The following AP5S1 variants were observed in gnomAD, a reference collection of about 807,000 sequenced individuals.
AP5S1 encodes AP-5 complex subunit sigma-1.
Under a neutral mutation model 13.9 loss-of-function variants are expected in AP5S1, and 13 were observed. That is an observed-to-expected ratio of 0.94 (90% CI 0.61 to 1.49). The LOEUF is 1.49. Among genes scored for constraint, AP5S1 ranks in the 40% most tolerant of loss-of-function variants. The pLI is 0.00. For missense variants in AP5S1, 292 were observed against 272.3 expected, an observed-to-expected ratio of 1.07 and a Z score of -0.51; for synonymous variants, 132 against 121.8, an observed-to-expected ratio of 1.08 and a Z score of -0.55.
rs747306498 is a variant in AP5S1 at position 3,823,858 on chromosome 20, C to T, written c.177-13C>T. The T allele has an allele frequency of 1.1e-5, 18 of 1,590,508 alleles. No individual in the cohort carries two copies. Among genetic ancestry groups the T allele is most frequent in the African/African-American group, 2.7e-5 (2 of 74,812 alleles). On this transcript the variant is annotated splice_polypyrimidine_tract_variant and intron_variant, in intron 2 of 2. Coordinates refer to ENST00000615891, the MANE Select transcript of AP5S1 (RefSeq NM_018347.3). ...GTGTGAGCCCACCAGCCTGACCTGC[C>T]CACTCTCCCCAGGCAGGTAGAGTCA... is the stretch of plus-strand genomic sequence containing the variant.
In AP5S1 at chr20:3,827,763, C is replaced by CT. The variant is rs570370452; in HGVS notation, c.*3482dup. The CT allele has an allele frequency of 0.044, 6,071 of 136,720 alleles. 203 individuals carry two copies. The highest frequency in any genetic ancestry group is 0.089 in the South Asian group (381 of 4,266). The allele number at this position is 136,720 out of a possible 1,614,324, so 8.5% of individuals were successfully genotyped here. ...GGGCTCAATGTTTTCTTTTCTTTTT[C>CT]TTTTTTTTTTTTTTTTGAGATGGAG... On this transcript the variant is annotated 3_prime_UTR_variant, in exon 3 of 3. Transcript: ENST00000615891.
Position 3,823,938 on chromosome 20 carries a change from C to G in AP5S1, c.244C>G (p.Gln82Glu), listed in dbSNP as rs543869928. 55 of 1,606,780 alleles carry G rather than the reference C, an allele frequency of 3.4e-5. No homozygotes were observed. The South Asian group carries it at 5.8e-4, about 17-fold the overall frequency. ...CCGGCCCCCCATGGACCTGCAGCCG[C>G]AATCCTCAGATGAGCAAGTGCCGCT... Reference protein sequence around the residue: ...SGRPPMDLQPQSSDEQVPLHE... With the variant: ...SGRPPMDLQPESSDEQVPLHE... The change falls in exon 3 of 3, where the codon CAA (glutamine) becomes GAA (glutamate). Residue 82 changes from glutamine (Q) to glutamate (E), a missense_variant. By Grantham distance (29) the Gln-to-Glu change is conservative. Coordinates refer to ENST00000615891, the MANE Select transcript of AP5S1 (RefSeq NM_018347.3).
At chr20:3,821,779 C>A in intron 1 of AP5S1, 1 of 403,112 alleles carries the variant, frequency 2.5e-6, no homozygotes, top group Non-Finnish European at 3.4e-6. Flanking sequence ...TTTCCATGAC[C>A]GCATGACCTT....
In AP5S1 at chr20:3,825,880, A is replaced by G. The variant is rs2089621550; in HGVS notation, c.*1583A>G. 1 of 146,628 alleles carries G rather than the reference A, an allele frequency of 6.8e-6. No individual in the cohort carries two copies. Among genetic ancestry groups the G allele is most frequent in the South Asian group, 2.1e-4 (1 of 4,688 alleles). The allele number at this position is 146,628 out of a possible 1,614,324, so 9.1% of individuals were successfully genotyped here. A position where few individuals can be genotyped will look rare whatever the true frequency, so the allele number is the denominator to read the frequency against. On this transcript the variant is annotated 3_prime_UTR_variant, in exon 3 of 3. Transcript: ENST00000615891. ...CTGCCTGCACCATGTTGAGTCCCAA[A>G]GGGATATGGGTGGGGTACCAAAAGT...
At position 3,822,183 on chromosome 20, in the gene AP5S1, A is replaced by T. The variant is rs2089588247; in HGVS notation, c.66A>T (p.Arg22=). 6.2e-7 allele frequency: 1 copy of T among 1,613,936 alleles called. No homozygotes were observed. The highest frequency in any genetic ancestry group is 1.3e-5 in the African/African-American group (1 of 74,890). Residue 22 remains arginine (R), a synonymous_variant, in exon 2 of 3, where the codon CGA becomes CGT. Transcript: ENST00000615891. ...APNTEDTGLC[R]VLYSCVFGAE... ...ATACTGAGGACACGGGCCTTTGCCG[A>T]GTGCTGTACTCCTGCGTCTTCGGTG...
In AP5S1 at chr20:3,820,554, C is replaced by T. The variant is rs1029543677; in HGVS notation, c.-221C>T. ...CAGGCGCCCACGGGCCGCGCAGCCG[C>T]CATTGCTCTCCTGCCACGGAGGGGA... On this transcript the variant is annotated 5_prime_UTR_variant, in exon 1 of 3. Coordinates refer to ENST00000615891, the MANE Select transcript of AP5S1 (RefSeq NM_018347.3). 1 of 152,198 alleles carries T rather than the reference C, an allele frequency of 6.6e-6. No individual in the cohort carries two copies. The highest frequency in any genetic ancestry group is 1.5e-5 in the Non-Finnish European group (1 of 68,036). 9.4% of individuals were successfully genotyped at this position (152,198 alleles called of 1,614,324 possible).
In AP5S1 at chr20:3,824,297, A is replaced by AT. The variant is rs777783822; in HGVS notation, c.*2dup. ...AATTCAGTGCCGCTTGGCCCCGCTG[A>AT]TTCCTCGTTGGGATGGTGCTTCTGA... On this transcript the variant is annotated 3_prime_UTR_variant, in exon 3 of 3. Coordinates refer to ENST00000615891, the MANE Select transcript of AP5S1 (RefSeq NM_018347.3). 12 of 1,609,072 alleles carry AT rather than the reference A, an allele frequency of 7.5e-6. No individual in the cohort carries two copies. The South Asian group carries it at 8.8e-5, about 12-fold the overall frequency.
At chr20:3,823,375 A>T (rs557342809) in intron 2 of AP5S1, among the ~76,000 whole-genome samples, 1 of 152,092 alleles carries the variant, frequency 6.6e-6, no homozygotes, top group Non-Finnish European at 1.5e-5. Context: ...CAGCCTCCCG[A>T]GTAGCTGGGA....
In AP5S1 at chr20:3,824,668, C is replaced by T. The variant is rs571075568; in HGVS notation, c.*371C>T. The T allele has an allele frequency of 1.7e-3, 415 of 247,168 alleles. 1 individual carries two copies. The highest frequency in any genetic ancestry group is 2.4e-3 in the Non-Finnish European group (310 of 126,538). The allele number at this position is 247,168 out of a possible 1,614,324, so 15.3% of individuals were successfully genotyped here. A position where few individuals can be genotyped will look rare whatever the true frequency, so the allele number is the denominator to read the frequency against. On this transcript the variant is annotated 3_prime_UTR_variant, in exon 3 of 3. Coordinates refer to ENST00000615891, the MANE Select transcript of AP5S1 (RefSeq NM_018347.3). ...ACAGTCAAGGCCAGGCGCGGTGGCT[C>T]ACGCCTGTAATCCCAGCACTTTGCG...
chr20:3,821,004 G>C (rs532445913), intron 1 of AP5S1: 1 of 152,432 alleles, frequency 6.6e-6, no homozygotes, highest in East Asian at 1.9e-4. Flanking sequence ...CGGCCACTGA[G>C]CCAGCCAGAT....
rs2089602497 is a variant in AP5S1 at position 3,823,864 on chromosome 20, TC to T, written c.177-3del. On this transcript the variant is annotated splice_polypyrimidine_tract_variant and splice_region_variant and intron_variant, in intron 2 of 2. Transcript: ENST00000615891. The stretch of plus-strand genomic sequence containing the variant: ...GCCCACCAGCCTGACCTGCCCACTC[TC>T]CCCAGGCAGGTAGAGTCAATGTGTC... 6.3e-7 allele frequency: 1 copy of T among 1,592,708 alleles called. No homozygotes were observed.
chr20:3,822,201 CT>C lies in AP5S1; in HGVS notation c.86del (p.Phe29SerfsTer27). 6.2e-7 allele frequency: 1 copy of C among 1,614,198 alleles called. No individual in the cohort carries two copies. The highest frequency in any genetic ancestry group is 8.5e-7 in the Non-Finnish European group (1 of 1,180,038). Reference protein sequence around the residue: ...GLCRVLYSCVFGAEKSPDDPR... With the variant: ...GLCRVLYSCVXGAEKSPDDPR... The stretch of plus-strand genomic sequence containing the variant: ...TTTGCCGAGTGCTGTACTCCTGCGT[CT>C]TCGGTGCTGAGAAGTCACCTGATGA... On this transcript the variant is annotated frameshift_variant, in exon 2 of 3. Transcript: ENST00000615891. LOFTEE classifies it high-confidence loss of function.
In AP5S1 at chr20:3,823,918, C is replaced by G. The variant is rs1211980868; in HGVS notation, c.224C>G (p.Pro75Arg). The change falls in exon 3 of 3, where the codon CCC becomes CGC. Residue 75 changes from proline (P) to arginine (R), a missense_variant. Physicochemically the swap from Pro to Arg is moderately radical, Grantham distance 103. Coordinates refer to ENST00000615891, the MANE Select transcript of AP5S1 (RefSeq NM_018347.3). The stretch of plus-strand genomic sequence containing the variant: ...CTGCAGCAGCAGGCATCTGGCCGGC[C>G]CCCCATGGACCTGCAGCCGCAATCC... ...CRLQQQASGR[P>R]PMDLQPQSSD... The G allele has an allele frequency of 6.2e-7, 1 of 1,604,156 alleles. No individual in the cohort carries two copies. Among genetic ancestry groups the G allele is most frequent in the African/African-American group, 1.3e-5 (1 of 75,048 alleles).
At chr20:3,823,228 G>C (rs1169368138) in intron 2 of AP5S1, among the ~76,000 whole-genome samples, 1 of 152,102 alleles carries the variant, frequency 6.6e-6, no homozygotes, top group African/African-American at 2.4e-5. Flanking sequence ...CACGTTGGGT[G>C]ATGGCGTTTA....
rs2089632192 is a variant in AP5S1 at position 3,827,628 on chromosome 20, T to C, written c.*3331T>C. ...TATGTGGGTCACTGATTGGGTCACA[T>C]ACACTGCATGTATGTGAGCCCTGGG... is the stretch of plus-strand genomic sequence containing the variant. On this transcript the variant is annotated 3_prime_UTR_variant, in exon 3 of 3. Coordinates refer to ENST00000615891, the MANE Select transcript of AP5S1 (RefSeq NM_018347.3). The C allele has an allele frequency of 6.6e-6, 1 of 152,236 alleles. No homozygotes were observed. Among genetic ancestry groups the C allele is most frequent in the Non-Finnish European group, 1.5e-5 (1 of 68,072 alleles). 9.4% of individuals were successfully genotyped at this position (152,236 alleles called of 1,614,324 possible). A position where few individuals can be genotyped will look rare whatever the true frequency, so the allele number is the denominator to read the frequency against.
chr20:3,822,184 G>T lies in AP5S1; in HGVS notation c.67G>T (p.Val23Leu), dbSNP rs2089588276. 1 of 1,614,058 alleles carries T rather than the reference G, an allele frequency of 6.2e-7. No individual in the cohort carries two copies. Among genetic ancestry groups the T allele is most frequent in the African/African-American group, 1.3e-5 (1 of 74,934 alleles). Residue 23 changes from valine (V) to leucine (L), a missense_variant, in exon 2 of 3, where the codon GTG becomes TTG. Physicochemically the swap from Val to Leu is conservative, Grantham distance 32 (BLOSUM62 1). Coordinates refer to ENST00000615891, the MANE Select transcript of AP5S1 (RefSeq NM_018347.3). ...PNTEDTGLCR[V>L]LYSCVFGAEK... Reference sequence around the variant, plus strand: ...TACTGAGGACACGGGCCTTTGCCGAGTGCTGTACTCCTGCGTCTTCGGTGC... The same window carrying T: ...TACTGAGGACACGGGCCTTTGCCGATTGCTGTACTCCTGCGTCTTCGGTGC...
rs1260223318 is a variant in AP5S1 at position 3,824,958 on chromosome 20, A to G, written c.*661A>G. 1 of 148,298 alleles carries G rather than the reference A, an allele frequency of 6.7e-6. No homozygotes were observed. The highest frequency in any genetic ancestry group is 2.0e-4 in the East Asian group (1 of 5,038). The allele number at this position is 148,298 out of a possible 1,614,324, so 9.2% of individuals were successfully genotyped here. ...AAAAAAAAAAAAAAATCCCACAGTC[A>G]TCGAAACACAAAAGGGGTCTCAGAC... On this transcript the variant is annotated 3_prime_UTR_variant, in exon 3 of 3. Coordinates refer to ENST00000615891, the MANE Select transcript of AP5S1 (RefSeq NM_018347.3).
Position 3,824,290 on chromosome 20 carries a change from C to G in AP5S1, c.596C>G (p.Pro199Arg), listed in dbSNP as rs2089609031. ...GLEKEFSAAW[P>R]R The stretch of plus-strand genomic sequence containing the variant: ...GAGAAGGAATTCAGTGCCGCTTGGC[C>G]CCGCTGATTCCTCGTTGGGATGGTG... Residue 199 changes from proline to arginine, a missense_variant, in exon 3 of 3, where the codon CCC (proline) becomes CGC (arginine). Coordinates refer to ENST00000615891, the MANE Select transcript of AP5S1 (RefSeq NM_018347.3). 1.2e-6 allele frequency: 2 copies of G among 1,610,142 alleles called. No individual in the cohort carries two copies.
chr20:3,824,189 C>T lies in AP5S1; in HGVS notation c.495C>T (p.Arg165=), dbSNP rs1268396725. 9.3e-6 allele frequency: 15 copies of T among 1,614,052 alleles called. No homozygotes were observed. The highest frequency in any genetic ancestry group is 3.3e-5 in the Admixed American group (2 of 60,012). ...PSTSLLLRAD[R]IEGILTRFLP... is the part of the protein sequence containing the mutation. ...CCAGCCTTCTGCTGCGGGCTGACCG[C>T]ATTGAGGGCATCCTCACCCGCTTCC... Residue 165 remains arginine (R), a synonymous_variant, in exon 3 of 3, where the codon CGC becomes CGT. Transcript: ENST00000615891.
Sources: gnomAD v4.1 joint callset for allele counts (sites outside exome capture counted in the v4.1 genomes callset) on GRCh38, gnomAD v4.1.1 for gene constraint, MANE v1.5 for transcripts, NCBI Gene and HGNC (gene_info 2026-07-23, HGNC 2026-07-21) for gene names.